Variants in PRKG1 observed in about 807,000 individuals in gnomAD.
The protein encoded by PRKG1 is cGMP-dependent protein kinase 1.
A neutral mutation model predicts 88.1 loss-of-function variants in PRKG1; 35 were observed. The ratio of observed to expected loss-of-function variants is 0.40; its 90% CI spans 0.30 to 0.53. The LOEUF is 0.53. PRKG1 is among the 20% of genes least tolerant of loss of function. The pLI, the probability that PRKG1 is intolerant of heterozygous loss-of-function variation, is 0.59. For missense variants in PRKG1, 540 were observed against 839.8 expected (o/e 0.64, Z 4.41); for synonymous variants, 303 against 292.5 (o/e 1.04, Z -0.37).
intron 2 of PRKG1, among the ~76,000 whole-genome samples, chr10:51,260,434 TA>T (rs910835919): frequency 1.3e-4 from 20 of 152,112 alleles, no homozygotes; most frequent in South Asian, 4.2e-4. Context: ...TGCTACAATT[TA>T]AAAAAAAATT....
intron 2 of PRKG1, among the ~76,000 whole-genome samples, chr10:51,168,699 A>G (rs1041173495): frequency 1.3e-5 from 2 of 152,194 alleles, no homozygotes; most frequent in Non-Finnish European, 1.5e-5. Context: ...CATATCAGAT[A>G]CTGATGTTTC....
intron 9 of PRKG1, among the ~76,000 whole-genome samples, chr10:52,248,132 T>C (rs1841073143): frequency 6.6e-6 from 1 of 152,182 alleles, no homozygotes. Flanking sequence ...CTTTGAGTGG[T>C]TTTCCGCCCT....
At chr10:51,624,814 G>C (rs1219760178) in intron 3 of PRKG1, among the ~76,000 whole-genome samples, 1 of 152,174 alleles carries the variant, frequency 6.6e-6, no homozygotes, top group African/African-American at 2.4e-5. Context: ...CATGATATTA[G>C]AGACAAACAC....
chr10:51,000,325 G>A (rs532662054), intron 1 of PRKG1, among the ~76,000 whole-genome samples: 36 of 152,192 alleles, frequency 2.4e-4, no homozygotes, highest in Non-Finnish European at 3.7e-4. Context: ...TACATGGCAG[G>A]AAATTGCACA....
In PRKG1 at chr10:52,166,278, C is replaced by T. The variant is rs138084313; in HGVS notation, c.1076+4315C>T. On this transcript the variant is annotated intron_variant, in intron 9 of 17. Coordinates refer to ENST00000373980, the MANE Select transcript of PRKG1 (RefSeq NM_006258.4). ...GTGAGTCAGGCATTGTGCTTTATAA[C>T]GTGCACACCAAATAGAAAACACCAT... 1.1e-4 allele frequency among the ~76,000 whole-genome samples: 17 copies of T among 152,010 alleles called. No homozygotes were observed. In the East Asian group the frequency reaches 2.5e-3, roughly 22 times the overall value.
chr10:51,020,281 G>A (rs1843118271), intron 1 of PRKG1, among the ~76,000 whole-genome samples: 2 of 152,160 alleles, frequency 1.3e-5, no homozygotes, highest in African/African-American at 4.8e-5. Flanking sequence ...GGCATGTTGA[G>A]ATTACAGGCG....
intron 4 of PRKG1, among the ~76,000 whole-genome samples, chr10:51,812,401 C>T (rs555064613): frequency 5.1e-4 from 78 of 152,264 alleles, no homozygotes; most frequent in Admixed American, 7.8e-4. Context: ...TTGTGCGATG[C>T]GTGGGCAGGC....
At chr10:52,291,901 C>T (rs1392265833) in intron 17 of PRKG1, among the ~76,000 whole-genome samples, 1 of 152,118 alleles carries the variant, frequency 6.6e-6, no homozygotes, top group Non-Finnish European at 1.5e-5. Flanking sequence ...TCTCCACATC[C>T]TCTCCAGCAC....
intron 3 of PRKG1, among the ~76,000 whole-genome samples, chr10:51,793,267 G>A (rs1031399236): frequency 3.3e-5 from 5 of 151,594 alleles, no homozygotes; most frequent in Non-Finnish European, 5.9e-5. Flanking sequence ...AAAATACAAT[G>A]AGTGAAATGG....
At chr10:51,588,622 A>G (rs1460586191) in intron 3 of PRKG1, among the ~76,000 whole-genome samples, 1 of 152,224 alleles carries the variant, frequency 6.6e-6, no homozygotes, top group Admixed American at 6.5e-5. Context: ...TTCTTGGGAA[A>G]AAACAAATTC....
intron 3 of PRKG1, among the ~76,000 whole-genome samples, chr10:51,561,503 T>G (rs1217448481): frequency 6.6e-6 from 1 of 152,122 alleles, no homozygotes; most frequent in Non-Finnish European, 1.5e-5. Context: ...TTATGTTCCA[T>G]CCTATCAACA....
chr10:51,820,386 A>G (rs183353146), intron 4 of PRKG1, among the ~76,000 whole-genome samples: 37 of 152,256 alleles, frequency 2.4e-4, no homozygotes, highest in Admixed American at 2.2e-3. Context: ...GGGATAGGGT[A>G]GGTGTAATAA....
At chr10:51,092,878 T>C (rs1296020074) in intron 1 of PRKG1, among the ~76,000 whole-genome samples, 1 of 152,178 alleles carries the variant, frequency 6.6e-6, no homozygotes, top group African/African-American at 2.4e-5. Context: ...AAGTGAGCAA[T>C]GTTTGTGGAT....
At chr10:51,622,939 C>T (rs1369494604) in intron 3 of PRKG1, among the ~76,000 whole-genome samples, 1 of 152,158 alleles carries the variant, frequency 6.6e-6, no homozygotes, top group African/African-American at 2.4e-5. Flanking sequence ...CAAAGTAAAA[C>T]TAATGCATGA....
Position 51,746,814 on chromosome 10 carries a change from GC to G in PRKG1, c.593-57769del, listed in dbSNP as rs199911203. ...AAGCATTTGCTCCATCATGAAAGGG[GC>G]CAGCACATTGGCAGTCATTCCTCTT... On this transcript the variant is annotated intron_variant, in intron 3 of 17. Transcript: ENST00000373980. Among the ~76,000 whole-genome samples the G allele has an allele frequency of 3.6e-4, 55 of 152,168 alleles. No individual in the cohort carries two copies. The East Asian group carries it at 9.8e-3, about 27-fold the overall frequency.
intron 3 of PRKG1, among the ~76,000 whole-genome samples, chr10:51,719,762 C>T (rs1564620252): frequency 6.6e-6 from 1 of 152,168 alleles, no homozygotes; most frequent in Non-Finnish European, 1.5e-5. Flanking sequence ...TACAGGAACT[C>T]TCTATAATAT....
chr10:51,650,884 A>G (rs973797306), intron 3 of PRKG1, among the ~76,000 whole-genome samples: 4 of 152,222 alleles, frequency 2.6e-5, no homozygotes, highest in Non-Finnish European at 5.9e-5. Context: ...CTACTGTGTA[A>G]TCACTGGTAC....
intron 4 of PRKG1, among the ~76,000 whole-genome samples, chr10:51,882,851 CAATTT>C (rs1489966161): frequency 1.3e-5 from 2 of 152,174 alleles, no homozygotes; most frequent in African/African-American, 4.8e-5. Context: ...CTGGGATCTA[CAATTT>C]AATTTAAGCT....
At chr10:51,770,760 C>T (rs1314885062) in intron 3 of PRKG1, among the ~76,000 whole-genome samples, 2 of 152,084 alleles carry the variant, frequency 1.3e-5, no homozygotes, top group African/African-American at 4.8e-5. Context: ...CCCCTACAGC[C>T]CCGTTTGTGG....
Sources: allele counts gnomAD v4.1 joint callset (sites outside exome capture counted in the v4.1 genomes callset), GRCh38; gene constraint gnomAD v4.1.1; transcripts MANE v1.5; gene names NCBI Gene and HGNC (gene_info 2026-07-23, HGNC 2026-07-21).